ARIH2: variants seen among roughly 807,000 people sequenced by gnomAD.
The protein encoded by ARIH2 is E3 ubiquitin-protein ligase ARIH2.
In ARIH2, 12 loss-of-function variants were observed where a neutral mutation model predicts 79.8. That is an observed-to-expected ratio of 0.15 (90% confidence interval 0.10 to 0.24). The LOEUF (loss-of-function observed/expected upper bound fraction) is 0.24. Ranked by LOEUF, ARIH2 falls within the 10% of genes least tolerant of loss-of-function variation. The probability of loss-of-function intolerance (pLI) is 1.00; values close to 1 mark genes in which losing one functional copy is unlikely to be tolerated. For synonymous variants in ARIH2, 224 were observed against 213.9 expected (o/e 1.05, Z -0.41); for missense variants, 301 against 618.3 (o/e 0.49, Z 5.44).
At chr3:48,931,526 G>A (rs952232321) in intron 3 of ARIH2, among the ~76,000 whole-genome samples, 3 of 151,374 alleles carry the variant, frequency 2.0e-5, no homozygotes, top group Admixed American at 2.0e-4. Context: ...TCCAGCCTGG[G>A]CAACAGAGTG....
At chr3:48,929,386 A>G (rs2086074566) in intron 3 of ARIH2, among the ~76,000 whole-genome samples, 1 of 151,592 alleles carries the variant, frequency 6.6e-6, no homozygotes, top group Non-Finnish European at 1.5e-5. Flanking sequence ...TATATGTAAC[A>G]TAAAATTTAC....
At chr3:48,919,071 C>G (rs1456249105) in intron 1 of ARIH2, 73 bp downstream of exon 1, 4 of 1,304,018 alleles carry the variant, frequency 3.1e-6, no homozygotes, top group African/African-American at 1.5e-5. Flanking sequence ...GCGCGCCTCC[C>G]TGGCCGGGCC....
chr3:48,940,546 G>A (rs1363725763), intron 3 of ARIH2, among the ~76,000 whole-genome samples: 1 of 151,818 alleles, frequency 6.6e-6, no homozygotes, highest in Non-Finnish European at 1.5e-5. Flanking sequence ...CCATGGCAGA[G>A]GAACATGGAT....
chr3:48,977,875 G>GTT (rs1387001994), intron 11 of ARIH2, among the ~76,000 whole-genome samples: 2 of 152,114 alleles, frequency 1.3e-5, no homozygotes, highest in African/African-American at 4.8e-5. Flanking sequence ...GGGTCTCCGG[G>GTT]TTTTGCTTTG....
Position 48,936,752 on chromosome 3 carries a change from G to A in ARIH2, c.255+8939G>A, listed in dbSNP as rs147845511. Among the ~76,000 whole-genome samples the A allele has an allele frequency of 6.6e-3, 954 of 144,104 alleles. 14 individuals are homozygous for A. Among genetic ancestry groups the A allele is most frequent in the African/African-American group, 0.023 (901 of 38,856 alleles). 94.5% of individuals were successfully genotyped at this position (144,104 alleles called of 152,430 possible). A position where few individuals can be genotyped will look rare whatever the true frequency, so the allele number is the denominator to read the frequency against. ...TGTCTCAAAAAAACAAAAACAGGCC[G>A]GGCGCTGTGGCTCATGCCTGTAATC... On this transcript the variant is annotated intron_variant, in intron 3 of 15. Transcript: ENST00000356401.
In ARIH2 at chr3:48,927,845, C is replaced by T. The variant is rs150911572; in HGVS notation, c.255+32C>T. ...AGTGTTGTAAACTCCAGTGTAATCC[C>T]CCCCAGTTAAATCTAAGGATGAGCT... On this transcript the variant is annotated intron_variant, in intron 3 of 15. Transcript: ENST00000356401. 1,727 of 1,604,548 alleles carry T rather than the reference C, an allele frequency of 1.1e-3. 36 individuals are homozygous for T. The East Asian group carries it at 0.036, about 34-fold the overall frequency.
rs552228508 is a variant in ARIH2, at chr3:48,928,086, G to A, written c.255+273G>A. 8.9e-4 allele frequency: 378 copies of A among 425,614 alleles called. 1 individual carries two copies. The highest frequency in any genetic ancestry group is 1.3e-3 in the Non-Finnish European group (308 of 236,050). 26.4% of individuals were successfully genotyped at this position (425,614 alleles called of 1,614,324 possible). A position where few individuals can be genotyped will look rare whatever the true frequency, so the allele number is the denominator to read the frequency against. The stretch of plus-strand genomic sequence containing the variant: ...TGTACCATACCAGAAATGTGTAGTA[G>A]CAGAATTGCACAACTTTGCACGTTT... On this transcript the variant is annotated intron_variant, in intron 3 of 15. Coordinates refer to ENST00000356401, the MANE Select transcript of ARIH2 (RefSeq NM_006321.4).
intron 3 of ARIH2, among the ~76,000 whole-genome samples, chr3:48,931,277 G>A (rs2086315007): frequency 6.6e-6 from 1 of 152,138 alleles, no homozygotes; most frequent in African/African-American, 2.4e-5. Context: ...CAGGCGCAGT[G>A]GCTCACGCCT....
intron 11 of ARIH2, among the ~76,000 whole-genome samples, chr3:48,978,421 ATGTGTGTGTGTGTGTGTGTGTGTGTGTG>A (rs1188251261): frequency 1.8e-5 from 1 of 55,796 alleles, no homozygotes; most frequent in Non-Finnish European, 3.4e-5. Context: ...TAATTTGTGT[ATGTGTGTGTGTGTGTGTGTGTGTGTGTG>A]TGTGTGTGTG....
At chr3:48,943,909 A>G (rs1002427092) in intron 3 of ARIH2, among the ~76,000 whole-genome samples, 3 of 152,184 alleles carry the variant, frequency 2.0e-5, no homozygotes, top group South Asian at 2.1e-4. Context: ...CATTGTTTCA[A>G]ATAACTTTTG....
chr3:48,919,357 C>T, intron 1 of ARIH2: 1 of 601,854 alleles, frequency 1.7e-6, no homozygotes, highest in Non-Finnish European at 2.5e-6. Flanking sequence ...CGCAGCGCTG[C>T]CCGCGCGGTT....
intron 3 of ARIH2, among the ~76,000 whole-genome samples, chr3:48,942,747 G>A (rs1012492060): frequency 1.3e-5 from 2 of 151,494 alleles, no homozygotes; most frequent in African/African-American, 4.9e-5. Context: ...CGCCTCCCAG[G>A]TTCAAGCCAT....
intron 12 of ARIH2, 80 bp downstream of exon 12, chr3:48,979,713 T>C (rs2092683381): frequency 6.7e-7 from 1 of 1,489,982 alleles, no homozygotes; most frequent in African/African-American, 1.4e-5. Flanking sequence ...CAGGGACTGG[T>C]AGACAGAGCT....
intron 8 of ARIH2, 83 bp downstream of exon 8, chr3:48,970,787 C>T (rs1003105714): frequency 6.1e-5 from 67 of 1,096,930 alleles, no homozygotes; most frequent in African/African-American, 2.5e-4. Flanking sequence ...CATGTGAGGG[C>T]GGCACTGGAA....
At chr3:48,946,262 T>C (rs539594144) in intron 3 of ARIH2, among the ~76,000 whole-genome samples, 8 of 152,066 alleles carry the variant, frequency 5.3e-5, no homozygotes, top group African/African-American at 1.9e-4. Flanking sequence ...TGTGACACAT[T>C]TACTATGTTA....
chr3:48,937,092 A>G (rs1437739422), intron 3 of ARIH2, among the ~76,000 whole-genome samples: 1 of 152,256 alleles, frequency 6.6e-6, no homozygotes, highest in Non-Finnish European at 1.5e-5. Flanking sequence ...AGAGAAAAAT[A>G]CAGGCAGGAT....
At chr3:48,962,579 C>T (rs1049504714) in intron 4 of ARIH2, among the ~76,000 whole-genome samples, 2 of 152,148 alleles carry the variant, frequency 1.3e-5, no homozygotes, top group Non-Finnish European at 2.9e-5. Flanking sequence ...TGCTCACCCT[C>T]GGAGGCGTGT....
At chr3:48,948,745 T>C (rs2089559298) in intron 3 of ARIH2, among the ~76,000 whole-genome samples, 1 of 152,242 alleles carries the variant, frequency 6.6e-6, no homozygotes, top group South Asian at 2.1e-4. Context: ...ACTACTGATC[T>C]TCTGTCTCAG....
intron 8 of ARIH2, 23 bp from the exon 9 acceptor site, chr3:48,973,676 T>G: frequency 1.9e-6 from 3 of 1,571,898 alleles, no homozygotes; most frequent in Non-Finnish European, 2.6e-6. Flanking sequence ...AATATTTGAA[T>G]GTTTTTCTTT....
Sources: gnomAD v4.1 joint callset for allele counts (sites outside exome capture counted in the v4.1 genomes callset) on GRCh38, gnomAD v4.1.1 for gene constraint, MANE v1.5 for transcripts, NCBI Gene and HGNC (gene_info 2026-07-23, HGNC 2026-07-21) for gene names.